The following GRID1 variants were observed in gnomAD, a reference collection of about 807,000 sequenced individuals.
GRID1 encodes glutamate receptor ionotropic, delta-1.
Under a neutral mutation model 98.0 loss-of-function variants are expected in GRID1, and 28 were observed. The observed-to-expected ratio is 0.29, with a 90% CI of 0.21 to 0.39. The LOEUF is 0.39. GRID1 is among the 10% of genes least tolerant of loss of function. The probability of loss-of-function intolerance (pLI) is 1.00; values close to 1 mark genes in which losing one functional copy is unlikely to be tolerated. For missense variants in GRID1, 1,111 were observed against 1,340.5 expected (o/e 0.83, Z 2.67); for synonymous variants, 553 against 538.5 (o/e 1.03, Z -0.37).
chr10:86,143,394 C>A (rs896205564), intron 3 of GRID1, among the ~76,000 whole-genome samples: 6 of 152,274 alleles, frequency 3.9e-5, no homozygotes, highest in African/African-American at 9.6e-5. Context: ...CCCATCCCCC[C>A]AAAAAACCTG....
intron 14 of GRID1, among the ~76,000 whole-genome samples, chr10:85,619,042 G>A (rs1842826072): frequency 6.6e-6 from 1 of 152,194 alleles, no homozygotes; most frequent in Non-Finnish European, 1.5e-5. Context: ...GGATTTGGGT[G>A]GACTCTGGCA....
chr10:86,348,238 C>T (rs771202544), intron 2 of GRID1, among the ~76,000 whole-genome samples: 1 of 152,180 alleles, frequency 6.6e-6, no homozygotes, highest in African/African-American at 2.4e-5. Context: ...GCCTGGGAGT[C>T]CCAAGATGAG....
intron 8 of GRID1, among the ~76,000 whole-genome samples, chr10:85,828,626 G>C (rs1441729666): frequency 6.6e-6 from 1 of 151,162 alleles, no homozygotes; most frequent in Non-Finnish European, 1.5e-5. Context: ...CTACTGAACT[G>C]AAATGCAAAA....
chr10:86,106,748 G>A (rs2033705111), intron 4 of GRID1, among the ~76,000 whole-genome samples: 1 of 152,136 alleles, frequency 6.6e-6, no homozygotes, highest in South Asian at 2.1e-4. Flanking sequence ...CATGTCTACG[G>A]AAGCAAGGGA....
chr10:86,257,587 AC>A (rs1435261944), intron 2 of GRID1, among the ~76,000 whole-genome samples: 1 of 152,190 alleles, frequency 6.6e-6, no homozygotes. Flanking sequence ...ATGATATCAT[AC>A]CCTAGATAAG....
chr10:86,113,227 A>G (rs957784032), intron 4 of GRID1, among the ~76,000 whole-genome samples: 5 of 152,150 alleles, frequency 3.3e-5, no homozygotes, highest in African/African-American at 9.7e-5. Flanking sequence ...CATCACACTT[A>G]AAATAGAACC....
At chr10:85,967,195 A>G (rs1161158004) in intron 4 of GRID1, among the ~76,000 whole-genome samples, 1 of 152,222 alleles carries the variant, frequency 6.6e-6, no homozygotes, top group African/African-American at 2.4e-5. Context: ...CTTTTTCTTT[A>G]TAAATTACTC....
At chr10:85,946,816 C>T (rs563081571) in intron 4 of GRID1, among the ~76,000 whole-genome samples, 33 of 152,338 alleles carry the variant, frequency 2.2e-4, no homozygotes, top group African/African-American at 7.5e-4. Flanking sequence ...CAGAACCCCA[C>T]CCACACTCCC....
At chr10:86,226,431 A>ACACCC in intron 2 of GRID1, among the ~76,000 whole-genome samples, 1 of 36,426 alleles carries the variant, frequency 2.7e-5, no homozygotes, top group African/African-American at 1.2e-4. Flanking sequence ...CCACCCCAGC[A>ACACCC]TACCCTCCCA....
At chr10:85,804,285 GA>G (rs1014747774) in intron 8 of GRID1, among the ~76,000 whole-genome samples, 7 of 150,040 alleles carry the variant, frequency 4.7e-5, no homozygotes, top group South Asian at 2.1e-4. Context: ...AAAATAAAGT[GA>G]AAAAAAAAGT....
chr10:85,647,232 G>C lies in GRID1; in HGVS notation c.2163C>G (p.Cys721Trp). Residue 721 changes from cysteine to tryptophan, a missense_variant, in exon 13 of 16, where the codon TGC becomes TGG. Cys to Trp is a radical substitution (Grantham distance 215). This residue lies in a region of GRID1 where 762 missense variants were observed against 869.1 expected (regional missense o/e 0.88). Coordinates refer to ENST00000327946, the MANE Select transcript of GRID1 (RefSeq NM_017551.3). ...TISKNGGADNCVSSPSEGIRK... is the reference protein window; with the variant it reads ...TISKNGGADNWVSSPSEGIRK... Reference sequence around the variant, plus strand: ...TGATGCCTTCTGAAGGACTGGACACGCAGTTGTCAGCCCCTCCGTTCTTGC... The same window carrying C: ...TGATGCCTTCTGAAGGACTGGACACCCAGTTGTCAGCCCCTCCGTTCTTGC... The C allele has an allele frequency of 6.2e-7, 1 of 1,614,174 alleles. No homozygotes were observed. The highest frequency in any genetic ancestry group is 8.5e-7 in the Non-Finnish European group (1 of 1,179,994).
intron 12 of GRID1, among the ~76,000 whole-genome samples, chr10:85,648,443 C>T (rs1843225218): frequency 6.6e-6 from 1 of 151,866 alleles, no homozygotes. Flanking sequence ...AACTTGATCA[C>T]TCTTTACTTA....
At chr10:86,050,171 G>T (rs527652664) in intron 4 of GRID1, among the ~76,000 whole-genome samples, 1 of 152,162 alleles carries the variant, frequency 6.6e-6, no homozygotes, top group South Asian at 2.1e-4. Context: ...GAGACAGGGC[G>T]TCAGTAACAC....
intron 12 of GRID1, among the ~76,000 whole-genome samples, chr10:85,650,618 G>A (rs1184110722): frequency 6.6e-6 from 1 of 152,108 alleles, no homozygotes; most frequent in Non-Finnish European, 1.5e-5. Context: ...TTAAAATACA[G>A]GTCTGTATGG....
intron 8 of GRID1, among the ~76,000 whole-genome samples, chr10:85,782,976 TA>T (rs1842394189): frequency 6.6e-6 from 1 of 152,136 alleles, no homozygotes; most frequent in African/African-American, 2.4e-5. Flanking sequence ...AGAACGGCAC[TA>T]GAAATGCCTA....
intron 8 of GRID1, among the ~76,000 whole-genome samples, chr10:85,794,852 GAC>G (rs1842512191): frequency 6.6e-6 from 1 of 152,166 alleles, no homozygotes; most frequent in Non-Finnish European, 1.5e-5. Context: ...GTGTGAAGCT[GAC>G]ATACTGCCAA....
intron 8 of GRID1, among the ~76,000 whole-genome samples, chr10:85,745,586 A>T (rs2949389): frequency 1.8e-5 from 2 of 113,884 alleles, no homozygotes; most frequent in Admixed American, 1.8e-4. Flanking sequence ...GTCGAAGGAG[A>T]GGGGAGGGAT....
intron 13 of GRID1, among the ~76,000 whole-genome samples, chr10:85,628,086 T>C (rs1290885689): frequency 6.6e-6 from 1 of 151,754 alleles, no homozygotes; most frequent in Non-Finnish European, 1.5e-5. Context: ...TGTGTATAGA[T>C]GTGTCCATGT....
intron 2 of GRID1, among the ~76,000 whole-genome samples, chr10:86,255,575 T>A (rs1263988007): frequency 6.6e-6 from 1 of 152,284 alleles, no homozygotes; most frequent in Middle Eastern, 3.4e-3. Flanking sequence ...GGTCACCCTT[T>A]TCCTCCTGCA....
Sources: gnomAD v4.1 joint callset for allele counts (sites outside exome capture counted in the v4.1 genomes callset) on GRCh38, gnomAD v4.1.1 for gene constraint, gnomAD v4.1.1 regional missense constraint, MANE v1.5 for transcripts, NCBI Gene and HGNC (gene_info 2026-07-23, HGNC 2026-07-21) for gene names.